Variants in BRDT observed in about 807,000 individuals in gnomAD.
BRDT encodes bromodomain testis associated, also known as bromodomain testis-specific protein.
Under a neutral mutation model 113.9 loss-of-function variants are expected in BRDT, and 77 were observed. The ratio of observed to expected loss-of-function variants is 0.68; its 90% confidence interval spans 0.56 to 0.82. BRDT has a LOEUF of 0.82. Ranked by LOEUF, BRDT falls within the 40% of genes least tolerant of loss-of-function variation. BRDT has a pLI of 0.00. For synonymous variants in BRDT, 358 were observed against 366.5 expected (o/e 0.98, Z 0.26); for missense variants, 1,027 against 1,105.4 (o/e 0.93, Z 1.01).
At chr1:91,974,069 A>G (rs191617331) in intron 4 of BRDT, among the ~76,000 whole-genome samples, 105 of 152,330 alleles carry the variant, frequency 6.9e-4, no homozygotes, top group Admixed American at 5.0e-3. Context: ...GTGCTGGGAA[A>G]ACTGGCTAGC....
At chr1:91,950,746 A>ATCGCCTGAGTCGC (rs1680967791) in intron 1 of BRDT, 1 of 126,676 alleles carries the variant, frequency 7.9e-6, no homozygotes, top group Non-Finnish European at 1.6e-5. Context: ...ATCTCAGAGG[A>ATCGCCTGAGTCGC]TCGCCTGAGT....
At chr1:91,966,770 T>C (rs757628779) in intron 3 of BRDT, among the ~76,000 whole-genome samples, 5 of 152,144 alleles carry the variant, frequency 3.3e-5, no homozygotes, top group African/African-American at 7.2e-5. Context: ...ATAGTTAAGA[T>C]TGAAAAATTG....
Position 91,977,325 on chromosome 1 carries a change from G to A in BRDT, c.901G>A (p.Val301Ile), listed in dbSNP as rs539614831. The A allele has an allele frequency of 1.9e-5, 31 of 1,613,784 alleles. No individual in the cohort carries two copies. Among genetic ancestry groups the A allele is most frequent in the East Asian group, 6.7e-5 (3 of 44,840 alleles). The change falls in exon 6 of 19, where the codon GTT becomes ATT. Residue 301 changes from valine (V) to isoleucine (I), a missense_variant. By Grantham distance (29) the Val-to-Ile change is conservative. Coordinates refer to ENST00000399546, the MANE Select transcript of BRDT (RefSeq NM_207189.4). ...ATGGCCCTTTTATAATCCTGTTGAC[G>A]TTAATGCTTTGGGACTCCATAACTA... ...YAWPFYNPVD[V>I]NALGLHNYYD...
intron 4 of BRDT, 47 bp downstream of exon 4, chr1:91,968,307 C>T: frequency 6.3e-7 from 1 of 1,592,250 alleles, no homozygotes; most frequent in Non-Finnish European, 8.6e-7. Flanking sequence ...TTTTTTTCCC[C>T]TATCTATCTC....
At chr1:92,002,369 G>T (rs533650671) in intron 16 of BRDT, among the ~76,000 whole-genome samples, 1 of 151,602 alleles carries the variant, frequency 6.6e-6, no homozygotes, top group South Asian at 2.1e-4. Context: ...TTTTTTTGTT[G>T]TTGTTTTTTT....
intron 6 of BRDT, 60 bp from the exon 7 acceptor site, chr1:91,978,108 G>A (rs576944148): frequency 3.1e-5 from 44 of 1,440,984 alleles, no homozygotes; most frequent in East Asian, 2.5e-4. Context: ...TTTAATGTAC[G>A]TGGTCAAATA....
intron 1 of BRDT, among the ~76,000 whole-genome samples, chr1:91,956,536 T>A (rs1213870342): frequency 6.6e-6 from 1 of 152,220 alleles, no homozygotes; most frequent in Non-Finnish European, 1.5e-5. Context: ...GCTAAGTTTT[T>A]AATTCTATTA....
At chr1:91,976,891 AT>A in intron 5 of BRDT, 151 bp from the exon 6 acceptor site, 1 of 601,982 alleles carries the variant, frequency 1.7e-6, no homozygotes, top group Non-Finnish European at 2.7e-6. Context: ...CTTTAGCAAT[AT>A]TTAATACATG....
chr1:91,988,768 T>C, intron 12 of BRDT, among the ~76,000 whole-genome samples: 1 of 152,156 alleles, frequency 6.6e-6, no homozygotes. Context: ...AATATGGCTG[T>C]AGTTTGGTAG....
chr1:91,988,784 A>G lies in BRDT; in HGVS notation c.2003-2400A>G, dbSNP rs1438778436. On this transcript the variant is annotated intron_variant, in intron 12 of 18. Coordinates refer to ENST00000399546, the MANE Select transcript of BRDT (RefSeq NM_207189.4). ...ATATGGCTGTAGTTTGGTAGTGAAA[A>G]TATGTACATTTGTCTTTTAATTTCA... Among the ~76,000 whole-genome samples, 4 of 152,172 alleles carry G rather than the reference A, an allele frequency of 2.6e-5. No homozygotes were observed. The East Asian group carries it at 7.7e-4, about 29-fold the overall frequency.
chr1:92,008,206 C>T (rs1352220512), intron 18 of BRDT, among the ~76,000 whole-genome samples: 1 of 152,188 alleles, frequency 6.6e-6, no homozygotes, highest in Non-Finnish European at 1.5e-5. Flanking sequence ...GCATGAGCCA[C>T]CGTGCCTGGC....
chr1:92,009,109 A>G (rs1687580924), intron 18 of BRDT, among the ~76,000 whole-genome samples: 1 of 152,100 alleles, frequency 6.6e-6, no homozygotes, highest in Non-Finnish European at 1.5e-5. Flanking sequence ...AATATTTCCT[A>G]TCTCTACCCC....
In BRDT at chr1:91,951,584, CA is replaced by C. The variant is rs200493930; in HGVS notation, c.-38+1904del. ...GTCAGGAGTTGAAGACCAGCCTGGC[CA>C]ACATGGTGAAACCCCGTCTCTACTA... On this transcript the variant is annotated intron_variant, in intron 1 of 18. Coordinates refer to ENST00000399546, the MANE Select transcript of BRDT (RefSeq NM_207189.4). Among the ~76,000 whole-genome samples the C allele has an allele frequency of 6.0e-3, 915 of 151,684 alleles. 27 individuals carry two copies. The highest frequency in any genetic ancestry group is 0.051 in the Admixed American group (775 of 15,232).
rs1684215698 is a variant in BRDT, at chr1:91,977,100, A to C, written c.676A>C (p.Lys226Gln). The change falls in exon 6 of 19, where the codon AAA (lysine) becomes CAA (glutamine). Residue 226 changes from lysine to glutamine, a missense_variant. Coordinates refer to ENST00000399546, the MANE Select transcript of BRDT (RefSeq NM_207189.4). ...AACAACTCCTGCAACTTCAGCAGTT[A>C]AAGCAAGTAGTGAATTTTCTCCAAC... is the stretch of plus-strand genomic sequence containing the variant. ...DTTTPATSAV[K>Q]ASSEFSPTFT... The C allele has an allele frequency of 1.9e-6, 3 of 1,613,372 alleles. No homozygotes were observed. Among genetic ancestry groups the C allele is most frequent in the Non-Finnish European group, 2.5e-6 (3 of 1,179,750 alleles).
At chr1:91,974,465 G>A (rs1038271071) in intron 4 of BRDT, among the ~76,000 whole-genome samples, 3 of 152,142 alleles carry the variant, frequency 2.0e-5, no homozygotes, top group African/African-American at 7.2e-5. Context: ...TCAAAAAGTG[G>A]GTGAAGGATA....
chr1:91,994,920 T>C (rs1175737295), intron 15 of BRDT, among the ~76,000 whole-genome samples: 2 of 149,470 alleles, frequency 1.3e-5, no homozygotes, highest in African/African-American at 4.9e-5. Context: ...TTAGAGATTC[T>C]ATAAGTAAAG....
At chr1:91,972,435 C>T (rs1683717790) in intron 4 of BRDT, among the ~76,000 whole-genome samples, 1 of 152,172 alleles carries the variant, frequency 6.6e-6, no homozygotes, top group Admixed American at 6.5e-5. Flanking sequence ...CACTTGTACT[C>T]AGTTTGATTA....
chr1:91,969,541 G>C lies in BRDT; in HGVS notation c.445+1281G>C, dbSNP rs960794035. Among the ~76,000 whole-genome samples, 8 of 152,170 alleles carry C rather than the reference G, an allele frequency of 5.3e-5. No individual in the cohort carries two copies. The East Asian group carries it at 1.5e-3, about 29-fold the overall frequency. On this transcript the variant is annotated intron_variant, in intron 4 of 18. Coordinates refer to ENST00000399546, the MANE Select transcript of BRDT (RefSeq NM_207189.4). ...TGTGAGACCTAGGCTTCTACAAGAAGATTTAAATAAGCCCTTGTGAGGTAG... is the reference window on the plus strand; with the variant it reads ...TGTGAGACCTAGGCTTCTACAAGAACATTTAAATAAGCCCTTGTGAGGTAG...
intron 15 of BRDT, among the ~76,000 whole-genome samples, chr1:92,000,746 G>A (rs1470391080): frequency 6.6e-6 from 1 of 152,180 alleles, no homozygotes; most frequent in African/African-American, 2.4e-5. Context: ...ATTGAATCAA[G>A]TGATCAATTA....
Sources: allele counts gnomAD v4.1 joint callset (sites outside exome capture counted in the v4.1 genomes callset), GRCh38; gene constraint gnomAD v4.1.1; transcripts MANE v1.5; gene names NCBI Gene and HGNC (gene_info 2026-07-23, HGNC 2026-07-21).